Variants in DNAAF4 observed in about 807,000 individuals in gnomAD.
DNAAF4 encodes dynein axonemal assembly factor 4.
Under a neutral mutation model 51.8 loss-of-function variants are expected in DNAAF4, and 43 were observed. The observed-to-expected ratio is 0.83, with a 90% CI of 0.65 to 1.07. The LOEUF is 1.07. DNAAF4 is among the 50% of genes least tolerant of loss of function. The probability of loss-of-function intolerance (pLI) is 0.00; values close to 1 mark genes in which losing one functional copy is unlikely to be tolerated. For missense variants in DNAAF4, 581 were observed against 493.0 expected (o/e 1.18, Z -1.69); for synonymous variants, 194 against 165.6 (o/e 1.17, Z -1.32).
At chr15:55,478,791 C>T (rs1470967461) in intron 4 of DNAAF4, among the ~76,000 whole-genome samples, 1 of 152,144 alleles carries the variant, frequency 6.6e-6, no homozygotes, top group African/African-American at 2.4e-5. Context: ...TCTGGAGTTG[C>T]ATCCCCTCAA....
intron 1 of DNAAF4, among the ~76,000 whole-genome samples, chr15:55,501,380 T>C (rs144706448): frequency 0.015 from 2,065 of 141,306 alleles, 60 homozygotes; most frequent in African/African-American, 0.051. Flanking sequence ...TTCTTTCTTT[T>C]TTTTTTTTTT....
In DNAAF4 at chr15:55,498,496, T is replaced by A; in HGVS notation, c.-167A>T. ...GCACCTCGCGGACTCCATGCGTGAC[T>A]ATCCAGGCGCCCAGACCAGAGAGTG... On this transcript the variant is annotated 5_prime_UTR_variant, in exon 2 of 10. Transcript: ENST00000321149. 1 of 916,112 alleles carries A rather than the reference T, an allele frequency of 1.1e-6. No individual in the cohort carries two copies. Among genetic ancestry groups the A allele is most frequent in the Non-Finnish European group, 1.6e-6 (1 of 644,024 alleles). 56.7% of individuals were successfully genotyped at this position (916,112 alleles called of 1,614,324 possible).
intron 4 of DNAAF4, among the ~76,000 whole-genome samples, chr15:55,474,395 G>A (rs536122961): frequency 4.0e-5 from 6 of 151,894 alleles, no homozygotes; most frequent in Non-Finnish European, 7.4e-5. Context: ...TTAGCCAGGC[G>A]TGGTGGTGCA....
chr15:55,430,906 AAATTAGATTCCCATC>A, intron 9 of DNAAF4, 127 bp from the exon 10 acceptor site: 2 of 695,664 alleles, frequency 2.9e-6, no homozygotes, highest in Non-Finnish European at 4.5e-6. Context: ...ACCAAGTTTT[AAATTAGATTCCCATC>A]TTTTTTTTTT....
chr15:55,461,713 C>T (rs2058097024), intron 5 of DNAAF4, among the ~76,000 whole-genome samples: 1 of 151,998 alleles, frequency 6.6e-6, no homozygotes, highest in African/African-American at 2.4e-5. Context: ...ACAATCTAGG[C>T]TCACACATCA....
At chr15:55,433,807 TA>T (rs2057538845) in intron 8 of DNAAF4, among the ~76,000 whole-genome samples, 1 of 89,984 alleles carries the variant, frequency 1.1e-5, no homozygotes, top group Non-Finnish European at 2.1e-5. Context: ...TTGTTTTATA[TA>T]TATAATATAT....
At chr15:55,456,964 T>A (rs1418242082) in intron 5 of DNAAF4, among the ~76,000 whole-genome samples, 1 of 152,004 alleles carries the variant, frequency 6.6e-6, no homozygotes, top group African/African-American at 2.4e-5. Flanking sequence ...GACCACAGGG[T>A]GAAGGAAGCT....
At chr15:55,477,029 G>T (rs755408463) in intron 4 of DNAAF4, among the ~76,000 whole-genome samples, 3 of 151,974 alleles carry the variant, frequency 2.0e-5, no homozygotes, top group African/African-American at 4.8e-5. Flanking sequence ...AAAATTAGCC[G>T]GGCGTGGTGG....
intron 4 of DNAAF4, among the ~76,000 whole-genome samples, chr15:55,476,208 C>T (rs1321653385): frequency 6.6e-6 from 1 of 152,118 alleles, no homozygotes; most frequent in Non-Finnish European, 1.5e-5. Flanking sequence ...CTCGCACCTG[C>T]AATCCCAGGT....
At chr15:55,480,858 C>T (rs916035753) in intron 4 of DNAAF4, among the ~76,000 whole-genome samples, 1 of 152,084 alleles carries the variant, frequency 6.6e-6, no homozygotes, top group Non-Finnish European at 1.5e-5. Context: ...GCTCTGTATC[C>T]CCACCCAAAT....
chr15:55,496,287 T>C (rs1292238831), intron 3 of DNAAF4, among the ~76,000 whole-genome samples: 3 of 152,206 alleles, frequency 2.0e-5, no homozygotes, highest in Non-Finnish European at 4.4e-5. Flanking sequence ...TTATAATTCC[T>C]GGAAAGCTTT....
chr15:55,487,636 G>C (rs1460353326), intron 4 of DNAAF4, among the ~76,000 whole-genome samples: 2 of 151,800 alleles, frequency 1.3e-5, no homozygotes, highest in African/African-American at 4.8e-5. Flanking sequence ...CCTGAACTCA[G>C]CAAGACCACG....
chr15:55,437,296 G>T (rs146752205), intron 7 of DNAAF4, among the ~76,000 whole-genome samples: 1 of 152,188 alleles, frequency 6.6e-6, no homozygotes, highest in Non-Finnish European at 1.5e-5. Context: ...AGGAAGAAGA[G>T]AAAGAGGAGG....
intron 1 of DNAAF4, among the ~76,000 whole-genome samples, chr15:55,506,969 C>T (rs776760104): frequency 1.6e-4 from 24 of 152,118 alleles, no homozygotes; most frequent in Non-Finnish European, 3.1e-4. Context: ...CCTGTCTCAG[C>T]CTCCTGAGTA....
At chr15:55,435,781 GC>G (rs1422075431) in intron 7 of DNAAF4, among the ~76,000 whole-genome samples, 2 of 151,974 alleles carry the variant, frequency 1.3e-5, no homozygotes, top group Non-Finnish European at 2.9e-5. Context: ...CAAAGTCTTT[GC>G]TTTTTTTTGT....
chr15:55,433,841 T>TATA lies in DNAAF4; in HGVS notation c.1047+1061_1047+1063dup, dbSNP rs2057541708. ...TATATTATATATATTACATATATTA[T>TATA]ATATTATATATATTATAATATATAT... On this transcript the variant is annotated intron_variant, in intron 8 of 9. Coordinates refer to ENST00000321149, the MANE Select transcript of DNAAF4 (RefSeq NM_130810.4). Among the ~76,000 whole-genome samples the TATA allele has an allele frequency of 5.4e-5, 4 of 73,586 alleles. 1 individual carries two copies. The Admixed American group carries it at 7.2e-4, about 13-fold the overall frequency. 48.3% of individuals were successfully genotyped at this position (73,586 alleles called of 152,430 possible). A position where few individuals can be genotyped will look rare whatever the true frequency, so the allele number is the denominator to read the frequency against.
chr15:55,417,862 T>C, exon 8 of DNAAF4: 1 of 332,768 alleles, frequency 3.0e-6, no homozygotes, highest in Non-Finnish European at 5.5e-6. Context: ...AGGATTTGGG[T>C]AGGTAATGGA....
At chr15:55,428,245 T>C (rs979950229), downstream of DNAAF4, among the ~76,000 whole-genome samples, 1 of 151,946 alleles carries the variant, frequency 6.6e-6, no homozygotes, top group African/African-American at 2.4e-5. Context: ...TGAGCCACCA[T>C]GCCCAGCATA....
At chr15:55,496,216 G>C (rs2058639223) in intron 3 of DNAAF4, among the ~76,000 whole-genome samples, 1 of 152,166 alleles carries the variant, frequency 6.6e-6, no homozygotes, top group Admixed American at 6.5e-5. Context: ...GGGTGACTGA[G>C]CGAGACTCTG....
Sources: gnomAD v4.1 joint callset for allele counts (sites outside exome capture counted in the v4.1 genomes callset) on GRCh38, gnomAD v4.1.1 for gene constraint, MANE v1.5 for transcripts, NCBI Gene and HGNC (gene_info 2026-07-23, HGNC 2026-07-21) for gene names.